The following MDGA2 variants were observed in gnomAD, a reference collection of about 807,000 sequenced individuals.
MDGA2 encodes MAM domain containing glycosylphosphatidylinositol anchor 2.
Under a neutral mutation model 117.8 loss-of-function variants are expected in MDGA2, and 40 were observed. The observed-to-expected ratio is 0.34, with a 90% confidence interval of 0.26 to 0.44. The LOEUF (loss-of-function observed/expected upper bound fraction) is 0.44, where lower values mean the gene tolerates loss of function less well. MDGA2 is among the 20% of genes least tolerant of loss of function. The pLI is 1.00. For synonymous variants in MDGA2, 452 were observed against 439.0 expected (o/e 1.03, Z -0.37); for missense variants, 1,123 against 1,250.6 (o/e 0.90, Z 1.54).
chr14:47,182,686 T>C (rs549080836), intron 3 of MDGA2, among the ~76,000 whole-genome samples: 1 of 152,316 alleles, frequency 6.6e-6, no homozygotes, highest in East Asian at 1.9e-4. Flanking sequence ...AGATGCATAC[T>C]TTAAGGTAAA....
intron 3 of MDGA2, among the ~76,000 whole-genome samples, chr14:47,196,173 A>G (rs1274910436): frequency 6.6e-6 from 1 of 152,158 alleles, no homozygotes; most frequent in Non-Finnish European, 1.5e-5. Flanking sequence ...ATGGAACTAG[A>G]ATACCTTAAA....
intron 1 of MDGA2, among the ~76,000 whole-genome samples, chr14:47,303,633 G>C (rs1352283852): frequency 1.3e-5 from 2 of 151,888 alleles, no homozygotes; most frequent in Non-Finnish European, 2.9e-5. Flanking sequence ...AGAGGTTAAC[G>C]AATTGATGAA....
intron 2 of MDGA2, among the ~76,000 whole-genome samples, chr14:47,297,118 T>C (rs1566726077): frequency 6.6e-6 from 1 of 152,152 alleles, no homozygotes; most frequent in South Asian, 2.1e-4. Flanking sequence ...TTTGGACACA[T>C]GGCCAAGTGA....
intron 1 of MDGA2, among the ~76,000 whole-genome samples, chr14:47,510,299 T>C (rs1894612052): frequency 6.6e-6 from 1 of 152,198 alleles, no homozygotes; most frequent in Admixed American, 6.5e-5. Flanking sequence ...CCTCCGGAAC[T>C]GTGAGAAATA....
intron 1 of MDGA2, among the ~76,000 whole-genome samples, chr14:47,331,389 G>C (rs1471395585): frequency 3.3e-5 from 5 of 151,726 alleles, no homozygotes; most frequent in African/African-American, 1.2e-4. Flanking sequence ...AAATATTACT[G>C]TAGATGTCAT....
At chr14:46,960,959 C>T (rs1244893676) in intron 8 of MDGA2, among the ~76,000 whole-genome samples, 1 of 148,714 alleles carries the variant, frequency 6.7e-6, no homozygotes, top group Non-Finnish European at 1.5e-5. Context: ...TACACACACA[C>T]ACACACACAC....
At chr14:46,866,361 T>C (rs899314646) in intron 14 of MDGA2, among the ~76,000 whole-genome samples, 11 of 152,122 alleles carry the variant, frequency 7.2e-5, no homozygotes, top group East Asian at 5.8e-4. Flanking sequence ...GAAACTGGAT[T>C]CCTTCCTTAC....
At chr14:47,629,883 T>C (rs1489956887) in intron 1 of MDGA2, among the ~76,000 whole-genome samples, 3 of 152,138 alleles carry the variant, frequency 2.0e-5, no homozygotes, top group Non-Finnish European at 4.4e-5. Flanking sequence ...AAGGATCTCA[T>C]TAAAATGCAG....
intron 12 of MDGA2, among the ~76,000 whole-genome samples, chr14:46,875,885 T>A (rs1477976962): frequency 6.6e-6 from 1 of 151,660 alleles, no homozygotes; most frequent in African/African-American, 2.4e-5. Flanking sequence ...TATTTAAAAT[T>A]ATGTATAATG....
chr14:47,184,604 C>T (rs1884839026), intron 3 of MDGA2, among the ~76,000 whole-genome samples: 3 of 151,760 alleles, frequency 2.0e-5, no homozygotes, highest in Admixed American at 6.6e-5. Context: ...ACCAATATGG[C>T]TATATAGAAC....
At chr14:47,042,729 G>A (rs973727954) in intron 7 of MDGA2, among the ~76,000 whole-genome samples, 2 of 152,148 alleles carry the variant, frequency 1.3e-5, no homozygotes, top group African/African-American at 4.8e-5. Flanking sequence ...AACAGGATAA[G>A]TAAGATAAGC....
intron 1 of MDGA2, among the ~76,000 whole-genome samples, chr14:47,449,137 C>G (rs1299670277): frequency 6.6e-6 from 1 of 152,090 alleles, no homozygotes; most frequent in Non-Finnish European, 1.5e-5. Flanking sequence ...CTTTGCCTGT[C>G]CTGCAACAGT....
chr14:47,393,222 G>A (rs1891935560), intron 1 of MDGA2, among the ~76,000 whole-genome samples: 1 of 151,648 alleles, frequency 6.6e-6, no homozygotes, highest in African/African-American at 2.4e-5. Flanking sequence ...TGCTTTAAGT[G>A]GGGAATCTAA....
chr14:47,173,679 C>T (rs1411516486), intron 3 of MDGA2, among the ~76,000 whole-genome samples: 1 of 152,162 alleles, frequency 6.6e-6, no homozygotes, highest in African/African-American at 2.4e-5. Context: ...CAACCGGTAC[C>T]AGCCACTGCA....
intron 1 of MDGA2, among the ~76,000 whole-genome samples, chr14:47,524,196 A>C (rs1894925984): frequency 6.6e-6 from 1 of 152,252 alleles, no homozygotes; most frequent in Admixed American, 6.5e-5. Context: ...GATTATTAAA[A>C]TAATGGGATC....
chr14:46,959,251 A>ATG lies in MDGA2; in HGVS notation c.1820-1610_1820-1609dup, dbSNP rs3985119. Among the ~76,000 whole-genome samples the ATG allele has an allele frequency of 5.1e-3, 716 of 140,194 alleles. 3 individuals carry two copies. The highest frequency in any genetic ancestry group is 0.031 in the East Asian group (140 of 4,578). 92.0% of individuals were successfully genotyped at this position (140,194 alleles called of 152,430 possible). On this transcript the variant is annotated intron_variant, in intron 8 of 16. Transcript: ENST00000399232. ...TCTTTTATCTCCAGCAATGCTATAT[A>ATG]TGTGTGTGTGTGTGTGTGTGTGTGT...
intron 7 of MDGA2, among the ~76,000 whole-genome samples, chr14:47,040,092 G>A (rs532573347): frequency 6.6e-6 from 1 of 152,160 alleles, no homozygotes; most frequent in East Asian, 1.9e-4. Context: ...TTCTTGAAGG[G>A]TAGGCTATAC....
chr14:47,609,268 T>C (rs1896795336), intron 1 of MDGA2, among the ~76,000 whole-genome samples: 1 of 150,288 alleles, frequency 6.7e-6, no homozygotes, highest in African/African-American at 2.4e-5. Context: ...TCTTATGCTT[T>C]TGCGTCCTCA....
intron 1 of MDGA2, among the ~76,000 whole-genome samples, chr14:47,337,191 C>T (rs1181098233): frequency 6.6e-6 from 1 of 152,024 alleles, no homozygotes; most frequent in East Asian, 1.9e-4. Flanking sequence ...CTCAGTTTCT[C>T]ATAGAAATTA....
Sources: allele counts gnomAD v4.1 joint callset (sites outside exome capture counted in the v4.1 genomes callset), GRCh38; gene constraint gnomAD v4.1.1; transcripts MANE v1.5; gene names NCBI Gene and HGNC (gene_info 2026-07-23, HGNC 2026-07-21).